MAST4: variants seen among roughly 807,000 people sequenced by gnomAD.
The protein encoded by MAST4 is microtubule associated serine/threonine kinase family member 4.
In MAST4, 89 loss-of-function variants were observed where a neutral mutation model predicts 162.7. The ratio of observed to expected loss-of-function variants is 0.55; its 90% CI spans 0.46 to 0.65. The LOEUF is 0.65. MAST4 is among the 30% of genes least tolerant of loss of function. The pLI is 0.00. For missense variants in MAST4, 3,153 were observed against 3,374.0 expected (o/e 0.93, Z 1.62); for synonymous variants, 1,479 against 1,361.1 (o/e 1.09, Z -1.91).
At chr5:67,004,978 T>C (rs535513823) in intron 4 of MAST4, 14 of 763,452 alleles carry the variant, frequency 1.8e-5, no homozygotes, top group African/African-American at 8.5e-5. Flanking sequence ...CCACAGTGAA[T>C]TGAAGAGAGA....
chr5:66,612,574 C>T (rs1743362276), intron 1 of MAST4, among the ~76,000 whole-genome samples: 1 of 152,128 alleles, frequency 6.6e-6, no homozygotes, highest in South Asian at 2.1e-4. Context: ...CTGGTCAGGG[C>T]CTAAAGCAGC....
intron 4 of MAST4, among the ~76,000 whole-genome samples, chr5:66,918,291 G>C (rs1764250295): frequency 1.3e-5 from 2 of 152,124 alleles, no homozygotes; most frequent in Non-Finnish European, 2.9e-5. Context: ...TGGATTGGTT[G>C]AGAGATTTGT....
At chr5:66,940,282 C>T (rs1315848798) in intron 4 of MAST4, among the ~76,000 whole-genome samples, 1 of 152,042 alleles carries the variant, frequency 6.6e-6, no homozygotes, top group Non-Finnish European at 1.5e-5. Context: ...GTGACTGTGC[C>T]AATTTCTTGA....
chr5:66,826,355 G>A (rs1347524062), intron 3 of MAST4, among the ~76,000 whole-genome samples: 1 of 151,460 alleles, frequency 6.6e-6, no homozygotes, highest in Admixed American at 6.6e-5. Context: ...CATACTTTTC[G>A]TCCTTAGCCA....
intron 4 of MAST4, among the ~76,000 whole-genome samples, chr5:67,024,209 A>G (rs1561544634): frequency 1.3e-5 from 2 of 151,208 alleles, no homozygotes; most frequent in African/African-American, 4.9e-5. Flanking sequence ...CTCAAGGTTC[A>G]TCCATGTTGT....
intron 1 of MAST4, among the ~76,000 whole-genome samples, chr5:66,734,232 G>C (rs901911913): frequency 2.0e-5 from 3 of 152,202 alleles, no homozygotes; most frequent in African/African-American, 7.2e-5. Flanking sequence ...TCCCAAATTA[G>C]ATTGCAGACT....
chr5:66,898,403 C>G (rs936328427), intron 3 of MAST4, among the ~76,000 whole-genome samples: 6 of 152,130 alleles, frequency 3.9e-5, no homozygotes, highest in African/African-American at 1.2e-4. Context: ...CTTATGGTAA[C>G]CAAAGATCCA....
intron 1 of MAST4, among the ~76,000 whole-genome samples, chr5:66,692,913 A>G (rs1458250809): frequency 1.3e-5 from 2 of 152,014 alleles, no homozygotes; most frequent in African/African-American, 4.8e-5. Context: ...GTGTGCTTAC[A>G]CAGTCGTCTG....
At chr5:66,801,292 G>A (rs1323297665) in intron 3 of MAST4, among the ~76,000 whole-genome samples, 3 of 152,082 alleles carry the variant, frequency 2.0e-5, no homozygotes, top group Non-Finnish European at 4.4e-5. Context: ...CACCATCACC[G>A]AGAGGATTGG....
chr5:67,122,197 G>T (rs1767674521), intron 14 of MAST4, among the ~76,000 whole-genome samples: 1 of 152,100 alleles, frequency 6.6e-6, no homozygotes, highest in Admixed American at 6.5e-5. Flanking sequence ...AATTCTATTT[G>T]TATATAAAGA....
At chr5:66,898,430 C>T (rs898550511) in intron 3 of MAST4, among the ~76,000 whole-genome samples, 3 of 152,124 alleles carry the variant, frequency 2.0e-5, no homozygotes, top group African/African-American at 7.2e-5. Flanking sequence ...GAAAATTACT[C>T]ATTGGTTTTC....
intron 4 of MAST4, among the ~76,000 whole-genome samples, chr5:67,011,576 G>C (rs1329841423): frequency 6.6e-6 from 1 of 152,146 alleles, no homozygotes; most frequent in East Asian, 1.9e-4. Context: ...CTCTCCCCCA[G>C]CCTGGTCAGG....
chr5:67,035,372 G>C (rs1051797773), intron 4 of MAST4, among the ~76,000 whole-genome samples: 1 of 152,088 alleles, frequency 6.6e-6, no homozygotes, highest in Non-Finnish European at 1.5e-5. Flanking sequence ...AAAAAAAATG[G>C]CATACAGTAT....
At chr5:66,653,841 A>AT (rs1242867441) in intron 1 of MAST4, among the ~76,000 whole-genome samples, 8 of 152,088 alleles carry the variant, frequency 5.3e-5, no homozygotes, top group Non-Finnish European at 1.0e-4. Context: ...GACAGTGTGC[A>AT]TTTTTATCTA....
intron 1 of MAST4, among the ~76,000 whole-genome samples, chr5:66,630,975 G>C (rs1303598347): frequency 6.6e-6 from 1 of 152,152 alleles, no homozygotes; most frequent in Non-Finnish European, 1.5e-5. Context: ...CTGAGGTTTG[G>C]GTTCTACCTT....
chr5:66,668,858 T>C (rs1285923539), intron 1 of MAST4, among the ~76,000 whole-genome samples: 2 of 152,150 alleles, frequency 1.3e-5, no homozygotes, highest in African/African-American at 4.8e-5. Flanking sequence ...CCATATTTGA[T>C]TGACAGCTCC....
rs576677890 is a variant in MAST4, at chr5:66,900,095, G to A, written c.674+113G>A. ...ATAAAATGAATGATAATCAACTGAA[G>A]AAAACAAAAAACTGAATTTATTTAT... On this transcript the variant is annotated intron_variant, in intron 4 of 28. Transcript: ENST00000403625. 7.0e-5 allele frequency: 51 copies of A among 730,110 alleles called. No individual in the cohort carries two copies. In the East Asian group the frequency reaches 1.6e-3, roughly 23 times the overall value. 45.2% of individuals were successfully genotyped at this position (730,110 alleles called of 1,614,324 possible).
At chr5:67,054,756 A>G (rs533354845) in intron 5 of MAST4, among the ~76,000 whole-genome samples, 1 of 152,322 alleles carries the variant, frequency 6.6e-6, no homozygotes, top group Non-Finnish European at 1.5e-5. Flanking sequence ...CCTGGATGAT[A>G]CAAGACATGG....
At chr5:67,012,341 T>C (rs1410887983) in intron 4 of MAST4, among the ~76,000 whole-genome samples, 1 of 152,118 alleles carries the variant, frequency 6.6e-6, no homozygotes, top group Non-Finnish European at 1.5e-5. Context: ...TTCCGTTGGT[T>C]GAAATGGAAA....
Sources: allele counts gnomAD v4.1 joint callset (sites outside exome capture counted in the v4.1 genomes callset), GRCh38; gene constraint gnomAD v4.1.1; transcripts MANE v1.5; gene names NCBI Gene and HGNC (gene_info 2026-07-23, HGNC 2026-07-21).